Variants in EIPR1 observed in about 807,000 individuals in gnomAD.
EIPR1 encodes the protein EARP and GARP complex-interacting protein 1.
Under a neutral mutation model 48.1 loss-of-function variants are expected in EIPR1, and 25 were observed. That is an observed-to-expected ratio of 0.52 (90% CI 0.38 to 0.73). The LOEUF (loss-of-function observed/expected upper bound fraction) is 0.73. EIPR1 is among the 30% of genes least tolerant of loss of function. The pLI is 0.00. For synonymous variants in EIPR1, 204 were observed against 201.9 expected (o/e 1.01, Z -0.09); for missense variants, 415 against 506.2 (o/e 0.82, Z 1.73).
At chr2:3,301,992 G>A (rs562016599) in intron 3 of EIPR1, among the ~76,000 whole-genome samples, 95 of 152,302 alleles carry the variant, frequency 6.2e-4, no homozygotes, top group Non-Finnish European at 1.1e-3. Context: ...CTCTGAAGGC[G>A]GAGAGACTGC....
chr2:3,207,500 C>T (rs1040340395), intron 5 of EIPR1, among the ~76,000 whole-genome samples: 3 of 152,204 alleles, frequency 2.0e-5, no homozygotes, highest in Non-Finnish European at 4.4e-5. Context: ...GCCCTATAAC[C>T]GCATGGCACA....
At chr2:3,351,144 G>GTA (rs1670565236) in intron 2 of EIPR1, among the ~76,000 whole-genome samples, 1 of 151,962 alleles carries the variant, frequency 6.6e-6, no homozygotes, top group African/African-American at 2.4e-5. Flanking sequence ...GGGATTACAG[G>GTA]TGCGTGCCAC....
At chr2:3,219,877 C>A (rs371484162) in intron 4 of EIPR1, among the ~76,000 whole-genome samples, 31 of 152,272 alleles carry the variant, frequency 2.0e-4, no homozygotes, top group African/African-American at 6.7e-4. Context: ...CAGGAGTTCC[C>A]AACCCCCAGA....
intron 4 of EIPR1, among the ~76,000 whole-genome samples, chr2:3,225,849 G>C (rs898181963): frequency 3.3e-5 from 5 of 152,096 alleles, no homozygotes; most frequent in African/African-American, 7.2e-5. Context: ...TTCCTTTCTA[G>C]AAGTTTGACT....
rs998193425 is a variant in EIPR1, at chr2:3,228,118, C to T, written c.417-13870G>A. 1.6e-3 allele frequency among the ~76,000 whole-genome samples: 240 copies of T among 152,366 alleles called. 2 individuals carry two copies. The highest frequency in any genetic ancestry group is 2.4e-4 in the Non-Finnish European group (16 of 68,036). ...CCAAGAATGGTAGATCCACCAACAGCTTGCACTGTGTGCCTGGAAAAGCTG... is the reference window on the plus strand; with the variant it reads ...CCAAGAATGGTAGATCCACCAACAGTTTGCACTGTGTGCCTGGAAAAGCTG... On this transcript the variant is annotated intron_variant, in intron 4 of 8. Coordinates refer to ENST00000382125, the MANE Select transcript of EIPR1 (RefSeq NM_003310.5).
At chr2:3,305,571 C>G (rs1217449420) in intron 3 of EIPR1, among the ~76,000 whole-genome samples, 1 of 152,242 alleles carries the variant, frequency 6.6e-6, no homozygotes, top group Non-Finnish European at 1.5e-5. Context: ...GCCCTCCACT[C>G]CTGTCCTGTG....
At position 3,189,602 on chromosome 2, in the gene EIPR1, A is replaced by G; in HGVS notation, c.990-94T>C. The G allele has an allele frequency of 1.6e-6, 2 of 1,246,186 alleles. No individual in the cohort carries two copies. Among genetic ancestry groups the G allele is most frequent in the Non-Finnish European group, 2.2e-6 (2 of 926,992 alleles). The allele number at this position is 1,246,186 out of a possible 1,614,324, so 77.2% of individuals were successfully genotyped here. On this transcript the variant is annotated intron_variant, in intron 8 of 8. Coordinates refer to ENST00000382125, the MANE Select transcript of EIPR1 (RefSeq NM_003310.5). The surrounding 1 kb of genome is among the most constrained non-coding windows in gnomAD (Gnocchi z 4.6). ...GACGCGAGCGCTGACATCGGGAGAC[A>G]CGGGAGGTACTGGGGCCTCAGCTTT...
intron 3 of EIPR1, among the ~76,000 whole-genome samples, chr2:3,284,387 C>T (rs1427178246): frequency 2.1e-5 from 3 of 140,088 alleles, no homozygotes; most frequent in African/African-American, 8.1e-5. Flanking sequence ...GGCCGCGCCA[C>T]GGCTGCACGT....
At chr2:3,336,355 C>G (rs1670041253) in intron 3 of EIPR1, among the ~76,000 whole-genome samples, 1 of 152,198 alleles carries the variant, frequency 6.6e-6, no homozygotes, top group Non-Finnish European at 1.5e-5. Context: ...CAAGGAGGCT[C>G]TCGGACCCCC....
chr2:3,196,323 C>G (rs1360903479), intron 6 of EIPR1, among the ~76,000 whole-genome samples: 1 of 152,204 alleles, frequency 6.6e-6, no homozygotes, highest in African/African-American at 2.4e-5. Flanking sequence ...CTTCCGTTGC[C>G]ACAGCAACAG....
At chr2:3,371,685 T>G (rs1671118817) in intron 1 of EIPR1, among the ~76,000 whole-genome samples, 1 of 152,146 alleles carries the variant, frequency 6.6e-6, no homozygotes, top group African/African-American at 2.4e-5. Flanking sequence ...GAGCTAACTA[T>G]CCTAAATATA....
At chr2:3,361,704 T>C (rs1670855323) in intron 1 of EIPR1, among the ~76,000 whole-genome samples, 1 of 147,328 alleles carries the variant, frequency 6.8e-6, no homozygotes, top group African/African-American at 2.4e-5. Context: ...AATCCTGCCC[T>C]TGGACTCCCT....
At chr2:3,228,286 T>C (rs557952085) in intron 4 of EIPR1, among the ~76,000 whole-genome samples, 7 of 152,368 alleles carry the variant, frequency 4.6e-5, no homozygotes, top group African/African-American at 1.7e-4. Context: ...AAGGAGATCA[T>C]TTTGGAACTT....
chr2:3,196,077 C>G (rs1312814807), intron 6 of EIPR1, among the ~76,000 whole-genome samples: 3 of 152,224 alleles, frequency 2.0e-5, no homozygotes, highest in African/African-American at 7.2e-5. Flanking sequence ...TCTGTGGTTT[C>G]CAGCTTCTGA....
At chr2:3,372,454 G>A (rs1659698674) in intron 1 of EIPR1, among the ~76,000 whole-genome samples, 1 of 151,686 alleles carries the variant, frequency 6.6e-6, no homozygotes, top group Non-Finnish European at 1.5e-5. Flanking sequence ...CTGGTTTTTT[G>A]AAAGGATCAA....
intron 3 of EIPR1, among the ~76,000 whole-genome samples, chr2:3,318,547 A>G (rs1252498835): frequency 1.3e-5 from 2 of 152,214 alleles, no homozygotes; most frequent in African/African-American, 4.8e-5. Context: ...CGCAAGAAAC[A>G]ACACAGGAGT....
chr2:3,204,542 G>A (rs1411694839), intron 5 of EIPR1, among the ~76,000 whole-genome samples: 1 of 152,190 alleles, frequency 6.6e-6, no homozygotes, highest in Non-Finnish European at 1.5e-5. Flanking sequence ...CATTAAAGAA[G>A]AATATTCAGT....
intron 3 of EIPR1, among the ~76,000 whole-genome samples, chr2:3,322,044 G>A (rs762108217): frequency 1.1e-4 from 16 of 152,168 alleles, no homozygotes; most frequent in East Asian, 1.9e-4. Flanking sequence ...CTCACTTCAC[G>A]GGAAGATGTC....
chr2:3,363,487 A>C (rs756524067), intron 1 of EIPR1, among the ~76,000 whole-genome samples: 4 of 152,154 alleles, frequency 2.6e-5, no homozygotes, highest in Non-Finnish European at 4.4e-5. Flanking sequence ...CTTGAGCTCA[A>C]GAGTTTGGGA....
Sources: allele counts gnomAD v4.1 joint callset (sites outside exome capture counted in the v4.1 genomes callset), GRCh38; gene constraint gnomAD v4.1.1; non-coding constraint Gnocchi (gnomAD v3.1); transcripts MANE v1.5; gene names NCBI Gene and HGNC (gene_info 2026-07-23, HGNC 2026-07-21).